The following SPAG16 variants were observed in gnomAD, a reference collection of about 807,000 sequenced individuals.
SPAG16 encodes the protein sperm associated antigen 16, also known as sperm-associated antigen 16 protein.
SPAG16 carries 86 observed loss-of-function variants against 80.4 expected under a neutral mutation model. The observed-to-expected ratio is 1.07, with a 90% confidence interval of 0.90 to 1.28. The LOEUF is 1.28. SPAG16 is among the 50% of genes most tolerant of loss of function. The probability of loss-of-function intolerance (pLI) is 0.00; values close to 1 mark genes in which losing one functional copy is unlikely to be tolerated. For synonymous variants in SPAG16, 294 were observed against 265.9 expected (o/e 1.11, Z -1.03); for missense variants, 870 against 765.3 (o/e 1.14, Z -1.61).
At chr2:214,029,613 C>T (rs1457229465) in intron 13 of SPAG16, among the ~76,000 whole-genome samples, 3 of 123,600 alleles carry the variant, frequency 2.4e-5, no homozygotes, top group Non-Finnish European at 5.5e-5. Flanking sequence ...ATTAAACACA[C>T]AAAAGAAAAG....
rs187850324 is a variant in SPAG16 at position 214,257,181 on chromosome 2, T to G, written c.1720+107915T>G. 3.5e-3 allele frequency among the ~76,000 whole-genome samples: 535 copies of G among 152,040 alleles called. 2 individuals carry two copies. The highest frequency in any genetic ancestry group is 5.3e-3 in the Admixed American group (81 of 15,240). ...ACTTTTATATATAGAATTCTCTAAT[T>G]TTTGAACTGCTGCTAGTATAAAAAA... is the stretch of plus-strand genomic sequence containing the variant. On this transcript the variant is annotated intron_variant, in intron 15 of 15. Coordinates refer to ENST00000331683, the MANE Select transcript of SPAG16 (RefSeq NM_024532.5).
At position 213,460,423 on chromosome 2, in the gene SPAG16, G is replaced by T. The variant is rs72940908; in HGVS notation, c.943-29540G>T. ...CCAGGGCCTCTACCCCTTTCTAGTT[G>T]TTTCCCTCTGCTGAAAATTACATGG... is the stretch of plus-strand genomic sequence containing the variant. On this transcript the variant is annotated intron_variant, in intron 9 of 15. Coordinates refer to ENST00000331683, the MANE Select transcript of SPAG16 (RefSeq NM_024532.5). Among the ~76,000 whole-genome samples, 1,444 of 152,220 alleles carry T rather than the reference G, an allele frequency of 9.5e-3. 11 individuals are homozygous for T. The highest frequency in any genetic ancestry group is 0.014 in the Non-Finnish European group (959 of 67,988).
At chr2:214,313,717 C>G in intron 15 of SPAG16, among the ~76,000 whole-genome samples, 1 of 151,942 alleles carries the variant, frequency 6.6e-6, no homozygotes, top group East Asian at 1.9e-4. Flanking sequence ...TCTCCAAGTT[C>G]TTTGGTTTTA....
chr2:213,728,818 G>A (rs566161395), intron 10 of SPAG16, among the ~76,000 whole-genome samples: 76 of 142,044 alleles, frequency 5.4e-4, no homozygotes, highest in Admixed American at 5.2e-3. Context: ...CAGAGCTTGC[G>A]GTGAGCTGAG....
chr2:214,251,638 G>A (rs1227024887), intron 15 of SPAG16, among the ~76,000 whole-genome samples: 36 of 152,018 alleles, frequency 2.4e-4, no homozygotes, highest in Admixed American at 2.4e-3. Context: ...TGAATTTCAT[G>A]GTTTTCTCAT....
intron 15 of SPAG16, among the ~76,000 whole-genome samples, chr2:214,255,781 G>A (rs1223696516): frequency 6.6e-6 from 1 of 151,886 alleles, no homozygotes; most frequent in African/African-American, 2.4e-5. Context: ...CTTCATATGT[G>A]TTAATGTGTA....
chr2:213,908,284 G>A (rs927412542), intron 11 of SPAG16, among the ~76,000 whole-genome samples: 1 of 152,182 alleles, frequency 6.6e-6, no homozygotes, highest in Non-Finnish European at 1.5e-5. Flanking sequence ...CCTTAGTCTG[G>A]AGGTTCACTC....
chr2:213,388,951 G>A (rs2067594071), intron 9 of SPAG16, among the ~76,000 whole-genome samples: 1 of 152,082 alleles, frequency 6.6e-6, no homozygotes, highest in African/African-American at 2.4e-5. Flanking sequence ...AAGGGACACT[G>A]ATTAGCCCAA....
chr2:214,078,188 AAAG>A (rs1333086298), intron 13 of SPAG16, among the ~76,000 whole-genome samples: 2 of 152,072 alleles, frequency 1.3e-5, no homozygotes, highest in African/African-American at 4.8e-5. Flanking sequence ...TGTTTCCAGA[AAAG>A]AAGGAAGCAT....
intron 10 of SPAG16, among the ~76,000 whole-genome samples, chr2:213,501,601 G>T (rs1358180889): frequency 6.6e-6 from 1 of 152,154 alleles, no homozygotes; most frequent in Non-Finnish European, 1.5e-5. Context: ...TAAACAGAAT[G>T]ATTGGGAAAT....
chr2:213,876,313 AAAAAAAAG>A, intron 11 of SPAG16, among the ~76,000 whole-genome samples: 1 of 118,732 alleles, frequency 8.4e-6, no homozygotes. Flanking sequence ...CCAAAAAAAA[AAAAAAAAG>A]AAGAAGAAAA....
At chr2:213,490,142 A>G (rs2074176903) in intron 10 of SPAG16, 52 bp downstream of exon 10, 1 of 1,500,040 alleles carries the variant, frequency 6.7e-7, no homozygotes, top group African/African-American at 1.4e-5. Context: ...TTTCATGTCA[A>G]AATTTTAATG....
Position 213,297,291 on chromosome 2 carries a change from AGGTG to A in SPAG16, c.214_217del (p.Gly72LysfsTer36), listed in dbSNP as rs779828823. On this transcript the variant is annotated frameshift_variant, in exon 3 of 16. Transcript: ENST00000331683. LOFTEE classifies it high-confidence loss of function. ...CAGATGACAATTTTAGCATCCCAGAAGGTGAAGAAGATCTGGCAAAAGCAATTCA... is the reference window on the plus strand; with the variant it reads ...CAGATGACAATTTTAGCATCCCAGAAAAGAAGATCTGGCAAAAGCAATTCA... The A allele has an allele frequency of 6.2e-7, 1 of 1,612,696 alleles. No individual in the cohort carries two copies.
At chr2:214,173,391 A>G (rs896219981) in intron 15 of SPAG16, among the ~76,000 whole-genome samples, 1 of 152,034 alleles carries the variant, frequency 6.6e-6, no homozygotes, top group African/African-American at 2.4e-5. Context: ...CAGGTTTGTC[A>G]AAGATCAGAT....
At chr2:214,108,360 G>A (rs1401474255) in intron 14 of SPAG16, 99 bp downstream of exon 14, 5 of 924,422 alleles carry the variant, frequency 5.4e-6, no homozygotes, top group South Asian at 1.6e-5. Flanking sequence ...AGTTAATGAG[G>A]TGAGAAGAAC....
chr2:214,190,555 C>T (rs1385296899), intron 15 of SPAG16, among the ~76,000 whole-genome samples: 1 of 152,020 alleles, frequency 6.6e-6, no homozygotes, highest in African/African-American at 2.4e-5. Flanking sequence ...GCTATTATCT[C>T]CAGCCTGTTG....
intron 12 of SPAG16, among the ~76,000 whole-genome samples, chr2:213,981,546 C>G (rs570521688): frequency 6.6e-6 from 1 of 151,966 alleles, no homozygotes; most frequent in Middle Eastern, 3.4e-3. Context: ...AGGTTCAAAA[C>G]GTTTTTAAAG....
At chr2:214,122,980 A>AT (rs1037934969) in intron 14 of SPAG16, among the ~76,000 whole-genome samples, 4 of 151,966 alleles carry the variant, frequency 2.6e-5, no homozygotes, top group African/African-American at 4.8e-5. Flanking sequence ...ATACTATGTG[A>AT]TTTTTTAAAC....
At chr2:213,749,301 G>T (rs575542181) in intron 10 of SPAG16, among the ~76,000 whole-genome samples, 2 of 151,504 alleles carry the variant, frequency 1.3e-5, no homozygotes, top group Non-Finnish European at 2.9e-5. Flanking sequence ...TTATATAATT[G>T]TATTTAATGG....
Sources: allele counts gnomAD v4.1 joint callset (sites outside exome capture counted in the v4.1 genomes callset), GRCh38; gene constraint gnomAD v4.1.1; transcripts MANE v1.5; gene names NCBI Gene and HGNC (gene_info 2026-07-23, HGNC 2026-07-21).